Variants in BCAS3 observed in about 807,000 individuals in gnomAD.
The protein encoded by BCAS3 is BCAS3 microtubule associated cell migration factor, also known as BCAS4/BCAS3 fusion.
BCAS3 carries 53 observed loss-of-function variants against 116.1 expected under a neutral mutation model. The ratio of observed to expected loss-of-function variants is 0.46; its 90% CI spans 0.37 to 0.57. BCAS3 has a LOEUF of 0.57. Among genes scored for constraint, BCAS3 ranks in the 20% least tolerant of loss-of-function variants. The pLI is 0.00. For synonymous variants in BCAS3, 391 were observed against 408.2 expected (o/e 0.96, Z 0.51); for missense variants, 917 against 1,165.4 (o/e 0.79, Z 3.10).
chr17:61,252,939 G>A (rs1250825568), intron 22 of BCAS3, among the ~76,000 whole-genome samples: 2 of 150,340 alleles, frequency 1.3e-5, no homozygotes, highest in East Asian at 4.0e-4. Flanking sequence ...GAGTGCAGTG[G>A]TGTGATCTCA....
chr17:61,228,277 G>A lies in BCAS3; in HGVS notation c.2426-140050G>A, dbSNP rs1005831964. 5.3e-5 allele frequency among the ~76,000 whole-genome samples: 8 copies of A among 152,100 alleles called. No homozygotes were observed. Among genetic ancestry groups the A allele is most frequent in the East Asian group, 1.9e-4 (1 of 5,200 alleles). On this transcript the variant is annotated intron_variant, in intron 22 of 23. Transcript: ENST00000407086. The surrounding 1 kb of genome is among the most constrained non-coding windows in gnomAD (Gnocchi z 5.0). Reference sequence around the variant, plus strand: ...GCCCCAGCTGAGAAATTATGAAGGCGACTATAGACACATCAAAATCTATTA... The same window carrying A: ...GCCCCAGCTGAGAAATTATGAAGGCAACTATAGACACATCAAAATCTATTA...
chr17:61,033,859 T>C (rs76868305), intron 16 of BCAS3, among the ~76,000 whole-genome samples: 4,698 of 152,280 alleles, frequency 0.031, 249 homozygotes, highest in African/African-American at 0.1. Flanking sequence ...TGAAAACTTA[T>C]TTGTGGAAAA....
At position 61,073,998 on chromosome 17, in the gene BCAS3, A is replaced by G. The variant is rs1415188437; in HGVS notation, c.2030-922A>G. Among the ~76,000 whole-genome samples, 4 of 151,830 alleles carry G rather than the reference A, an allele frequency of 2.6e-5. No homozygotes were observed. Among genetic ancestry groups the G allele is most frequent in the African/African-American group, 7.3e-5 (3 of 41,334 alleles). ...GTAGCTCATGCCTGTAGTCTCAGCT[A>G]CTTATTAGACTGAGGTGAGAAGATG... On this transcript the variant is annotated intron_variant, in intron 19 of 23. Transcript: ENST00000407086. The surrounding 1 kb of genome is among the most constrained non-coding windows in gnomAD (Gnocchi z 4.6).
intron 6 of BCAS3, 92 bp from the exon 7 acceptor site, chr17:60,807,912 C>A (rs1303882304): frequency 1.2e-5 from 10 of 847,098 alleles, no homozygotes; most frequent in Non-Finnish European, 1.9e-5. Context: ...ATGAATACTT[C>A]TCCTTTTCAA....
intron 10 of BCAS3, chr17:60,900,227 A>G (rs1403945866): frequency 6.6e-6 from 1 of 152,354 alleles, no homozygotes; most frequent in East Asian, 1.9e-4. Flanking sequence ...AAAAGAAAAT[A>G]TTGTCTTGCT....
At chr17:61,252,992 G>C (rs1568672934) in intron 22 of BCAS3, among the ~76,000 whole-genome samples, 1 of 150,092 alleles carries the variant, frequency 6.7e-6, no homozygotes, top group Admixed American at 6.7e-5. Flanking sequence ...CTATTCTCCT[G>C]CCTCAGCCTC....
chr17:60,690,888 C>T (rs1262024058), intron 4 of BCAS3, among the ~76,000 whole-genome samples: 2 of 151,954 alleles, frequency 1.3e-5, no homozygotes, highest in Non-Finnish European at 2.9e-5. Flanking sequence ...CCACTGCATT[C>T]CAGCCTGGGC....
intron 5 of BCAS3, among the ~76,000 whole-genome samples, chr17:60,718,099 T>TG (rs1398326868): frequency 1.3e-5 from 2 of 152,208 alleles, no homozygotes; most frequent in Non-Finnish European, 2.9e-5. Context: ...TAGGCAGTAA[T>TG]GTGCGCGATG....
intron 22 of BCAS3, among the ~76,000 whole-genome samples, chr17:61,201,086 T>C (rs908286194): frequency 6.6e-6 from 1 of 152,216 alleles, no homozygotes; most frequent in Admixed American, 6.5e-5. Context: ...GAGGTCTCTT[T>C]TAAAACATTA....
chr17:61,182,502 TA>T (rs2079540058), intron 22 of BCAS3, among the ~76,000 whole-genome samples: 1 of 152,252 alleles, frequency 6.6e-6, no homozygotes, highest in African/African-American at 2.4e-5. Context: ...ATTTTTATTT[TA>T]ACAGCCTTAT....
chr17:61,041,748 C>CAG lies in BCAS3; in HGVS notation c.2029+858_2029+859dup. On this transcript the variant is annotated intron_variant, in intron 19 of 23. Transcript: ENST00000407086. The surrounding 1 kb of genome is among the most constrained non-coding windows in gnomAD (Gnocchi z 4.7). ...AATGTGCTATATATTATACTGGAAACAGAAATATTTTATAGACTTTGCTCT... is the reference window on the plus strand; with the variant it reads ...AATGTGCTATATATTATACTGGAAACAGAGAAATATTTTATAGACTTTGCTCT... Among the ~76,000 whole-genome samples the CAG allele has an allele frequency of 6.6e-6, 1 of 152,046 alleles. No homozygotes were observed.
At chr17:60,719,143 T>A (rs1223293196) in intron 5 of BCAS3, among the ~76,000 whole-genome samples, 1 of 152,172 alleles carries the variant, frequency 6.6e-6, no homozygotes, top group Non-Finnish European at 1.5e-5. Flanking sequence ...ATATCACTTT[T>A]AAAAATAAGA....
rs376197353 is a variant in BCAS3 at position 60,896,023 on chromosome 17, T to G, written c.738+6252T>G. Among the ~76,000 whole-genome samples, 13 of 152,352 alleles carry G rather than the reference T, an allele frequency of 8.5e-5. No individual in the cohort carries two copies. The East Asian group carries it at 2.5e-3, about 29-fold the overall frequency. ...CTCTATAAGAGTCTATTAGGTCCAT[T>G]GGGTCTAAAGTCCAGTTTAAGGCCA... On this transcript the variant is annotated intron_variant, in intron 10 of 23. Transcript: ENST00000407086.
At chr17:61,330,496 G>C (rs1399787951) in intron 22 of BCAS3, among the ~76,000 whole-genome samples, 2 of 152,308 alleles carry the variant, frequency 1.3e-5, no homozygotes, top group East Asian at 3.9e-4. Context: ...TCATTCCCTG[G>C]GCAGCAGGAC....
rs1009371084 is a variant in BCAS3 at position 61,235,405 on chromosome 17, A to G, written c.2426-132922A>G. 1.6e-4 allele frequency among the ~76,000 whole-genome samples: 24 copies of G among 152,230 alleles called. No homozygotes were observed. The highest frequency in any genetic ancestry group is 5.3e-4 in the African/African-American group (22 of 41,472). On this transcript the variant is annotated intron_variant, in intron 22 of 23. Coordinates refer to ENST00000407086, the MANE Select transcript of BCAS3 (RefSeq NM_017679.5). The surrounding 1 kb of genome is among the most constrained non-coding windows in gnomAD (Gnocchi z 5.0). ...AGTTTTGAGAATTTCGATATTTGAC[A>G]GATGATTGAGCCACTCGAGTTGCTT...
chr17:60,899,350 C>T (rs1035303824), intron 10 of BCAS3, among the ~76,000 whole-genome samples: 7 of 152,174 alleles, frequency 4.6e-5, no homozygotes, highest in Non-Finnish European at 8.8e-5. Context: ...GTCTTAGTGG[C>T]AACTCATGCC....
Position 61,144,016 on chromosome 17 carries a change from C to T in BCAS3, c.2425+59452C>T, listed in dbSNP as rs1233097443. 1.3e-5 allele frequency among the ~76,000 whole-genome samples: 2 copies of T among 152,094 alleles called. No individual in the cohort carries two copies. Among genetic ancestry groups the T allele is most frequent in the Non-Finnish European group, 2.9e-5 (2 of 68,020 alleles). ...AAATACTAAATTCCCATAACCTATG[C>T]AAATTACATTTTAGGCAAGTAATGC... is the stretch of plus-strand genomic sequence containing the variant. On this transcript the variant is annotated intron_variant, in intron 22 of 23. Coordinates refer to ENST00000407086, the MANE Select transcript of BCAS3 (RefSeq NM_017679.5). This position sits in a 1 kb window ranked among gnomAD's most constrained non-coding sequence, Gnocchi z 5.0.
At chr17:60,822,884 C>A (rs772008909) in intron 7 of BCAS3, among the ~76,000 whole-genome samples, 6 of 152,140 alleles carry the variant, frequency 3.9e-5, no homozygotes, top group Non-Finnish European at 8.8e-5. Context: ...CCACCATAGT[C>A]ATTATCATAT....
chr17:61,044,466 A>ATAT (rs1568205639), intron 19 of BCAS3, among the ~76,000 whole-genome samples: 1 of 101,478 alleles, frequency 9.9e-6, no homozygotes, highest in Admixed American at 9.9e-5. Flanking sequence ...AAAAAAAAAA[A>ATAT]TATATATATA....
Sources: allele counts gnomAD v4.1 joint callset (sites outside exome capture counted in the v4.1 genomes callset), GRCh38; gene constraint gnomAD v4.1.1; non-coding constraint Gnocchi (gnomAD v3.1); transcripts MANE v1.5; gene names NCBI Gene and HGNC (gene_info 2026-07-23, HGNC 2026-07-21).